The following CATSPERD variants were observed in gnomAD, a reference collection of about 807,000 sequenced individuals.
CATSPERD encodes the protein cation channel sperm-associated auxiliary subunit delta.
Under a neutral mutation model 98.1 loss-of-function variants are expected in CATSPERD, and 86 were observed. The observed-to-expected ratio is 0.88, with a 90% CI of 0.74 to 1.05. CATSPERD has a LOEUF of 1.05. Among genes scored for constraint, CATSPERD ranks in the 50% least tolerant of loss-of-function variants. The pLI is 0.00. For synonymous variants in CATSPERD, 394 were observed against 390.2 expected (o/e 1.01, Z -0.12); for missense variants, 995 against 1,005.7 (o/e 0.99, Z 0.14).
intron 12 of CATSPERD, among the ~76,000 whole-genome samples, chr19:5,752,295 C>T (rs1024771010): frequency 3.3e-5 from 5 of 151,132 alleles, no homozygotes; most frequent in Non-Finnish European, 7.4e-5. Flanking sequence ...GGTGACAGAG[C>T]GAGACTTCGT....
chr19:5,730,137 T>C (rs1474800607), intron 4 of CATSPERD, among the ~76,000 whole-genome samples, 193 bp downstream of exon 4: 2 of 152,132 alleles, frequency 1.3e-5, no homozygotes, highest in African/African-American at 4.8e-5. Flanking sequence ...ACTACCAAAA[T>C]AGACTTTCTA....
chr19:5,762,058 A>ATTATTTTTTTTTTTT (rs2056449912), intron 15 of CATSPERD, among the ~76,000 whole-genome samples: 1 of 10,442 alleles, frequency 9.6e-5, no homozygotes, highest in Non-Finnish European at 1.8e-4. Flanking sequence ...ATATATATAT[A>ATTATTTTTTTTTTTT]TTTTTTTTTT....
At position 5,720,761 on chromosome 19, in the gene CATSPERD, G is replaced by T. The variant is rs751132628; in HGVS notation, c.24G>T (p.Ala8=). ...CGATGCTGATGTTGATGCTGGTGGC[G>T]GCTGTGACCATGTGGCTCCGACCGC... MLMLMLV[A]AVTMWLRPLV... Residue 8 remains alanine (A), a synonymous_variant, in exon 1 of 22, where the codon GCG becomes GCT. Transcript: ENST00000381624. 6.2e-7 allele frequency: 1 copy of T among 1,605,444 alleles called. No homozygotes were observed. Among genetic ancestry groups the T allele is most frequent in the Non-Finnish European group, 8.5e-7 (1 of 1,179,710 alleles).
chr19:5,748,978 C>G (rs1442711432), intron 10 of CATSPERD, 123 bp from the exon 11 acceptor site: 4 of 652,242 alleles, frequency 6.1e-6, no homozygotes, highest in African/African-American at 3.8e-5. Flanking sequence ...GATCCACCCC[C>G]CTCGGCCTCT....
chr19:5,772,196 T>TAC (rs1262724326), intron 19 of CATSPERD: 1 of 380,456 alleles, frequency 2.6e-6, no homozygotes, highest in African/African-American at 2.3e-5. Context: ...TGCAGTTGCA[T>TAC]ACCACAATGC....
intron 21 of CATSPERD, 45 bp downstream of exon 21, chr19:5,776,360 C>T (rs112059347): frequency 0.014 from 22,388 of 1,601,838 alleles, 331 homozygotes; most frequent in African/African-American, 0.053. Flanking sequence ...GCCTGGTGCC[C>T]CTGGGGGCAG....
At chr19:5,748,775 A>G (rs1317528382) in intron 10 of CATSPERD, among the ~76,000 whole-genome samples, 1 of 102,604 alleles carries the variant, frequency 9.7e-6, no homozygotes, top group East Asian at 3.3e-4. Context: ...CTTGTTACCC[A>G]GGCTGGAGTA....
At chr19:5,723,925 C>T (rs559162346) in intron 1 of CATSPERD, among the ~76,000 whole-genome samples, 3 of 151,780 alleles carry the variant, frequency 2.0e-5, no homozygotes, top group South Asian at 2.1e-4. Flanking sequence ...TACAGGCATG[C>T]GCCACCACAC....
chr19:5,758,640 G>A (rs1389244915), intron 14 of CATSPERD, among the ~76,000 whole-genome samples: 2 of 151,680 alleles, frequency 1.3e-5, no homozygotes, highest in African/African-American at 2.4e-5. Flanking sequence ...CTACTCGGGA[G>A]GCTGAGGCAG....
chr19:5,770,967 A>G lies in CATSPERD; in HGVS notation c.1658A>G (p.Gln553Arg), dbSNP rs763096410. 1.8e-5 allele frequency: 29 copies of G among 1,611,422 alleles called. No homozygotes were observed. In the Middle Eastern group the frequency reaches 5.0e-4, roughly 28 times the overall value. ...AGGGAATTCTACGACCCCGGCTTCC[A>G]GGGGCAGCAGTCCTCCGAGGACCTG... The part of the protein sequence containing the change: ...IEKEFYDPGF[Q>R]GQQSSEDLHV... The change falls in exon 19 of 22, where the codon CAG becomes CGG. Residue 553 changes from glutamine (Q) to arginine (R), a missense_variant. Gln to Arg is a conservative substitution (Grantham distance 43, BLOSUM62 1). Around this residue, in one of 3 missense-constraint regions of CATSPERD, gnomAD observed 762 missense variants for 773.7 expected, o/e 0.98. Coordinates refer to ENST00000381624, the MANE Select transcript of CATSPERD (RefSeq NM_152784.4).
Position 5,739,352 on chromosome 19 carries a change from T to C in CATSPERD, c.486T>C (p.Tyr162=), listed in dbSNP as rs780097143. 5.0e-5 allele frequency: 80 copies of C among 1,586,864 alleles called. No individual in the cohort carries two copies. The highest frequency in any genetic ancestry group is 1.8e-5 in the Admixed American group (1 of 54,948). The part of the protein sequence containing the change: ...CVHVSNLVFA[Y]FRGDQISQTY... ...ATGTCAGTAATTTGGTTTTTGCATA[T>C]TTCCGTGGAGATCAGATATCCCAGA... Residue 162 remains tyrosine (Y), a synonymous_variant, in exon 7 of 22, where the codon TAT becomes TAC. Coordinates refer to ENST00000381624, the MANE Select transcript of CATSPERD (RefSeq NM_152784.4).
At chr19:5,724,660 C>G in intron 1 of CATSPERD, 148 bp from the exon 2 acceptor site, 1 of 727,682 alleles carries the variant, frequency 1.4e-6, no homozygotes, top group South Asian at 1.7e-5. Flanking sequence ...GATCTTGCCA[C>G]TGCACTCCAG....
chr19:5,778,488 G>C lies in CATSPERD; in HGVS notation c.2209G>C (p.Val737Leu). The change falls in exon 22 of 22, where the codon GTT becomes CTT. Residue 737 changes from valine (V) to leucine (L), a missense_variant. Physicochemically the swap from Val to Leu is conservative, Grantham distance 32. Coordinates refer to ENST00000381624, the MANE Select transcript of CATSPERD (RefSeq NM_152784.4). The part of the protein sequence containing the change: ...LLIISSILGS[V>L]WLAYKTPKLL... ...GATCATCTCCAGCATCCTGGGGTCC[G>C]TTTGGCTGGCCTACAAGACCCCCAA... The C allele has an allele frequency of 6.2e-7, 1 of 1,614,044 alleles. No homozygotes were observed. Among genetic ancestry groups the C allele is most frequent in the Non-Finnish European group, 8.5e-7 (1 of 1,180,038 alleles).
intron 9 of CATSPERD, among the ~76,000 whole-genome samples, chr19:5,746,491 C>T (rs1429256433): frequency 1.3e-5 from 2 of 151,964 alleles, no homozygotes; most frequent in African/African-American, 2.4e-5. Flanking sequence ...TGCAGTGGCG[C>T]GATCTTGGCC....
intron 13 of CATSPERD, among the ~76,000 whole-genome samples, chr19:5,756,288 A>AG: frequency 6.6e-6 from 1 of 151,454 alleles, no homozygotes; most frequent in Non-Finnish European, 1.5e-5. Flanking sequence ...CTCAAAGAAA[A>AG]AAAAAAATTA....
At chr19:5,760,818 C>T (rs916368076) in intron 15 of CATSPERD, among the ~76,000 whole-genome samples, 1 of 151,854 alleles carries the variant, frequency 6.6e-6, no homozygotes, top group Non-Finnish European at 1.5e-5. Flanking sequence ...GAGACTGAGG[C>T]AGGAGGATTG....
chr19:5,770,065 G>T (rs1420766138), intron 18 of CATSPERD, among the ~76,000 whole-genome samples: 1 of 150,212 alleles, frequency 6.7e-6, no homozygotes, highest in Non-Finnish European at 1.5e-5. Context: ...CTCCAGCCTG[G>T]GCAACAGAGC....
At chr19:5,727,234 T>G in intron 2 of CATSPERD, 34 bp from the exon 3 acceptor site, 7 of 1,494,088 alleles carry the variant, frequency 4.7e-6, no homozygotes, top group Non-Finnish European at 6.5e-6. Context: ...TTATGGTTAT[T>G]GATATTATTA....
chr19:5,777,311 CAG>C (rs944526004), intron 21 of CATSPERD, among the ~76,000 whole-genome samples: 4 of 152,184 alleles, frequency 2.6e-5, no homozygotes, highest in Admixed American at 2.0e-4. Flanking sequence ...GGATGTCCAC[CAG>C]AGAGAGGAGA....
Sources: gnomAD v4.1 joint callset for allele counts (sites outside exome capture counted in the v4.1 genomes callset) on GRCh38, gnomAD v4.1.1 for gene constraint, gnomAD v4.1.1 regional missense constraint, MANE v1.5 for transcripts, NCBI Gene and HGNC (gene_info 2026-07-23, HGNC 2026-07-21) for gene names.